The following BCL11A variants were observed in gnomAD, a reference collection of about 807,000 sequenced individuals.
BCL11A encodes BCL11 transcription factor A.
Under a neutral mutation model 55.9 loss-of-function variants are expected in BCL11A, and 2 were observed. The ratio of observed to expected loss-of-function variants is 0.04; its 90% CI spans 0.01 to 0.11. The LOEUF is 0.11. Among genes scored for constraint, BCL11A ranks in the 10% least tolerant of loss-of-function variants. BCL11A has a pLI of 1.00. For missense variants in BCL11A, 817 were observed against 1,137.1 expected (o/e 0.72, Z 4.05); for synonymous variants, 465 against 473.4 (o/e 0.98, Z 0.23).
At chr2:60,551,584 G>C (rs576954502) in intron 1 of BCL11A, among the ~76,000 whole-genome samples, 1 of 152,266 alleles carries the variant, frequency 6.6e-6, no homozygotes, top group African/African-American at 2.4e-5. Flanking sequence ...CGGAGGGGAG[G>C]GGAGGCGCAG....
At chr2:60,472,049 G>C (rs1006985870) in intron 2 of BCL11A, among the ~76,000 whole-genome samples, 1 of 152,140 alleles carries the variant, frequency 6.6e-6, no homozygotes, top group Non-Finnish European at 1.5e-5. Context: ...TCCTGTCCAG[G>C]ACCCACCTCC....
chr2:60,542,015 A>G, intron 2 of BCL11A: 1 of 652,476 alleles, frequency 1.5e-6, no homozygotes, highest in Non-Finnish European at 2.8e-6. Context: ...TACTTTTAAG[A>G]GCATGCTAAT....
chr2:60,540,063 T>C (rs936277011), intron 2 of BCL11A, among the ~76,000 whole-genome samples: 6 of 152,182 alleles, frequency 3.9e-5, no homozygotes, highest in African/African-American at 1.4e-4. Flanking sequence ...ATTAATGTCA[T>C]CCAAATTGAT....
intron 2 of BCL11A, among the ~76,000 whole-genome samples, chr2:60,507,290 AGGGGAGGGGAGGGGAGGGGAG>A: frequency 1.1e-3 from 1 of 946 alleles, no homozygotes; most frequent in Non-Finnish European, 1.9e-3. Context: ...AGGGGAGGGG[AGGGGAGGGGAGGGGAGGGGAG>A]GGGAGGGGAA....
intron 1 of BCL11A, among the ~76,000 whole-genome samples, chr2:60,548,685 T>C (rs1427409): frequency 0.99 from 150,584 of 152,386 alleles, 74,417 homozygotes; most frequent in East Asian, 1. Flanking sequence ...AGAATTATAT[T>C]CTAATGTATG....
Position 60,458,021 on chromosome 2 carries a change from G to C in BCL11A, c.*2383C>G. The C allele has an allele frequency of 9.8e-7, 1 of 1,023,874 alleles. No homozygotes were observed. The highest frequency in any genetic ancestry group is 1.2e-6 in the Non-Finnish European group (1 of 856,164). The allele number at this position is 1,023,874 out of a possible 1,614,324, so 63.4% of individuals were successfully genotyped here. On this transcript the variant is annotated 3_prime_UTR_variant, in exon 4 of 4. Coordinates refer to ENST00000642384, the MANE Select transcript of BCL11A (RefSeq NM_022893.4). ...TCCTGCCAAATTAAAAAAATATACT[G>C]TGGCAGCCTGTCTTTTTTTTTTCCA...
intron 3 of BCL11A, among the ~76,000 whole-genome samples, chr2:60,465,048 T>G (rs1485251061): frequency 6.6e-6 from 1 of 152,238 alleles, no homozygotes; most frequent in Non-Finnish European, 1.5e-5. Context: ...AGAGAGCTGC[T>G]TTGAAACTGG....
chr2:60,506,553 C>T (rs192737986), intron 2 of BCL11A, among the ~76,000 whole-genome samples: 46 of 152,330 alleles, frequency 3.0e-4, no homozygotes, highest in African/African-American at 9.6e-4. Context: ...CATGCTGAGT[C>T]CAGGAAAGCC....
intron 2 of BCL11A, among the ~76,000 whole-genome samples, chr2:60,480,531 A>G (rs549387135): frequency 3.2e-4 from 49 of 152,278 alleles, no homozygotes; most frequent in Non-Finnish European, 5.4e-4. Flanking sequence ...CTAGTAAATG[A>G]TTCACTAACC....
At chr2:60,531,907 C>G (rs1669473402) in intron 2 of BCL11A, among the ~76,000 whole-genome samples, 1 of 152,130 alleles carries the variant, frequency 6.6e-6, no homozygotes, top group South Asian at 2.1e-4. Flanking sequence ...GGAAATAAGC[C>G]CACCTAAATG....
At chr2:60,462,524 C>A in intron 3 of BCL11A, 100 bp from the exon 4 acceptor site, 4 of 1,493,894 alleles carry the variant, frequency 2.7e-6, no homozygotes, top group Non-Finnish European at 3.6e-6. Flanking sequence ...TGCCCCCACC[C>A]CTCAACCCCA....
rs1553352906 is a variant in BCL11A, at chr2:60,545,925, T to C, written c.385+46A>G. On this transcript the variant is annotated intron_variant, in intron 2 of 3. Transcript: ENST00000642384. ...TGCTTGGCTACAGCACCTCTGAAAA[T>C]GAAAAGAAAACATGCAAACAGCTTT... is the stretch of plus-strand genomic sequence containing the variant. The C allele has an allele frequency of 8.3e-6, 13 of 1,557,314 alleles. No homozygotes were observed. The South Asian group carries it at 1.5e-4, about 18-fold the overall frequency.
intron 2 of BCL11A, chr2:60,522,052 G>A (rs1228502104): frequency 6.6e-6 from 1 of 152,208 alleles, no homozygotes; most frequent in African/African-American, 2.4e-5. Context: ...AACCCTTGGT[G>A]AAGAAACAAC....
intron 2 of BCL11A, among the ~76,000 whole-genome samples, chr2:60,507,992 G>A (rs1036115940): frequency 6.6e-6 from 1 of 152,046 alleles, no homozygotes; most frequent in Admixed American, 6.5e-5. Context: ...TATGGTCTTC[G>A]GTGTTGGTTC....
At chr2:60,509,042 A>G (rs1387765988) in intron 2 of BCL11A, among the ~76,000 whole-genome samples, 1 of 152,220 alleles carries the variant, frequency 6.6e-6, no homozygotes, top group South Asian at 2.1e-4. Context: ...ACCTCCTCCA[A>G]AGAAAAGTGG....
chr2:60,553,282 G>C lies in BCL11A; in HGVS notation c.-12C>G. On this transcript the variant is annotated 5_prime_UTR_variant, in exon 1 of 4. Transcript: ENST00000642384. The stretch of plus-strand genomic sequence containing the variant: ...TTGCGGCGAGACATGGTGGGCTGCG[G>C]GGCGGGCGGCGGCGGCGGCGGCGGC... 1 of 1,573,956 alleles carries C rather than the reference G, an allele frequency of 6.4e-7. No homozygotes were observed. The highest frequency in any genetic ancestry group is 2.0e-5 in the Admixed American group (1 of 50,854).
chr2:60,519,188 G>A (rs1236338058), intron 2 of BCL11A, among the ~76,000 whole-genome samples: 1 of 152,174 alleles, frequency 6.6e-6, no homozygotes, highest in Non-Finnish European at 1.5e-5. Flanking sequence ...AGAAATAGGT[G>A]TGAAAGCGGG....
At chr2:60,514,695 G>A (rs1034842274) in intron 2 of BCL11A, among the ~76,000 whole-genome samples, 6 of 151,270 alleles carry the variant, frequency 4.0e-5, no homozygotes, top group Non-Finnish European at 8.8e-5. Flanking sequence ...AAATTGGGTG[G>A]GGGAGTTTCT....
chr2:60,460,133 T>C lies in BCL11A; in HGVS notation c.*271A>G. ...CGTAAAATGCAATAGTATTGCCCCA[T>C]ACAGATCATGCATTCAAACGGTGAG... On this transcript the variant is annotated 3_prime_UTR_variant, in exon 4 of 4. Coordinates refer to ENST00000642384, the MANE Select transcript of BCL11A (RefSeq NM_022893.4). 8.5e-7 allele frequency: 1 copy of C among 1,180,388 alleles called. No individual in the cohort carries two copies. Among genetic ancestry groups the C allele is most frequent in the Non-Finnish European group, 1.0e-6 (1 of 967,048 alleles). 73.1% of individuals were successfully genotyped at this position (1,180,388 alleles called of 1,614,324 possible).
Sources: allele counts gnomAD v4.1 joint callset (sites outside exome capture counted in the v4.1 genomes callset), GRCh38; gene constraint gnomAD v4.1.1; transcripts MANE v1.5; gene names NCBI Gene and HGNC (gene_info 2026-07-23, HGNC 2026-07-21).